The following ARHGAP10 variants were observed in gnomAD, a reference collection of about 807,000 sequenced individuals.
ARHGAP10 encodes rho GTPase-activating protein 10.
Under a neutral mutation model 108.6 loss-of-function variants are expected in ARHGAP10, and 87 were observed. The ratio of observed to expected loss-of-function variants is 0.80; its 90% CI spans 0.67 to 0.96. ARHGAP10 has a LOEUF of 0.96. Among genes scored for constraint, ARHGAP10 ranks in the 40% least tolerant of loss-of-function variants. ARHGAP10 has a pLI of 0.00. For synonymous variants in ARHGAP10, 347 were observed against 341.1 expected, an observed-to-expected ratio of 1.02 and a Z score of -0.19; for missense variants, 939 against 954.5, an observed-to-expected ratio of 0.98 and a Z score of 0.21.
intron 12 of ARHGAP10, among the ~76,000 whole-genome samples, chr4:147,911,938 T>G (rs1235383312): frequency 3.3e-4 from 1 of 3,002 alleles, no homozygotes; most frequent in African/African-American, 4.0e-4. Context: ...TCCTCCTAGG[T>G]TTTTTTTTTT....
chr4:147,750,870 T>C (rs1014326242), intron 1 of ARHGAP10, among the ~76,000 whole-genome samples: 30 of 151,982 alleles, frequency 2.0e-4, no homozygotes, highest in African/African-American at 6.3e-4. Context: ...CAAAGTGCTG[T>C]GATTACAGGC....
At chr4:147,870,928 C>CTCTG (rs980899526) in intron 7 of ARHGAP10, among the ~76,000 whole-genome samples, 6 of 139,056 alleles carry the variant, frequency 4.3e-5, no homozygotes, top group Admixed American at 1.5e-4. Context: ...AAACTACAGA[C>CTCTG]TGTGTGTGTG....
chr4:147,792,971 C>G (rs991703436), intron 1 of ARHGAP10, among the ~76,000 whole-genome samples: 3 of 152,164 alleles, frequency 2.0e-5, no homozygotes, highest in African/African-American at 7.2e-5. Flanking sequence ...AAACCCGTCT[C>G]CACTAAAAAT....
chr4:147,789,814 G>A (rs60042554), intron 1 of ARHGAP10, among the ~76,000 whole-genome samples: 16,903 of 152,054 alleles, frequency 0.11, 2,852 homozygotes, highest in African/African-American at 0.36. Flanking sequence ...TAAAACAGAT[G>A]GAAGTCATTA....
At chr4:147,758,484 A>G (rs774149064) in intron 1 of ARHGAP10, among the ~76,000 whole-genome samples, 1 of 152,228 alleles carries the variant, frequency 6.6e-6, no homozygotes, top group East Asian at 1.9e-4. Flanking sequence ...CACCCCAGAA[A>G]GAAAGCCTGT....
chr4:147,799,515 C>T lies in ARHGAP10; in HGVS notation c.155-23212C>T, dbSNP rs9997153. ...TCTGAGGCTCTGCTTATTTTCACAG[C>T]CTGTTTTCTATTGTTCTGATAGAGT... On this transcript the variant is annotated intron_variant, in intron 1 of 22. Transcript: ENST00000336498. 8.6e-3 allele frequency among the ~76,000 whole-genome samples: 1,314 copies of T among 152,224 alleles called. 20 individuals carry two copies. Among genetic ancestry groups the T allele is most frequent in the African/African-American group, 0.03 (1,256 of 41,530 alleles).
chr4:147,960,993 G>T (rs1738969410), intron 16 of ARHGAP10, among the ~76,000 whole-genome samples: 1 of 152,158 alleles, frequency 6.6e-6, no homozygotes. Flanking sequence ...TGGGCTAATA[G>T]AACGCTGCTG....
intron 10 of ARHGAP10, among the ~76,000 whole-genome samples, chr4:147,890,803 A>G (rs6851336): frequency 0.95 from 143,855 of 152,128 alleles, 68,467 homozygotes; most frequent in Non-Finnish European, 1. Context: ...CTCCAGCCTG[A>G]GCAACAGAGC....
intron 19 of ARHGAP10, among the ~76,000 whole-genome samples, chr4:148,040,708 C>T (rs1328080552): frequency 6.6e-6 from 1 of 152,080 alleles, no homozygotes; most frequent in Non-Finnish European, 1.5e-5. Context: ...AACCATAAAC[C>T]TTTGGCTAAT....
intron 13 of ARHGAP10, among the ~76,000 whole-genome samples, chr4:147,918,309 G>T (rs569401380): frequency 6.6e-6 from 1 of 151,702 alleles, no homozygotes. Context: ...CTAATTTTTT[G>T]TATTTTTAGT....
At chr4:147,760,157 T>G (rs1189207187) in intron 1 of ARHGAP10, among the ~76,000 whole-genome samples, 1 of 152,190 alleles carries the variant, frequency 6.6e-6, no homozygotes, top group Non-Finnish European at 1.5e-5. Flanking sequence ...CTTCCCTGTA[T>G]TCAGGCTGTC....
chr4:147,899,883 T>G (rs1579176405), intron 10 of ARHGAP10, among the ~76,000 whole-genome samples: 1 of 151,948 alleles, frequency 6.6e-6, no homozygotes, highest in East Asian at 1.9e-4. Context: ...TGGGTTTTTT[T>G]TTTTTTTTCC....
At chr4:148,067,479 G>A (rs1409632830) in intron 22 of ARHGAP10, among the ~76,000 whole-genome samples, 2 of 152,202 alleles carry the variant, frequency 1.3e-5, no homozygotes, top group African/African-American at 4.8e-5. Context: ...GAGCCAGGCA[G>A]TGTTCCAAGT....
At chr4:147,774,557 T>C (rs1359521055) in intron 1 of ARHGAP10, among the ~76,000 whole-genome samples, 8 of 152,242 alleles carry the variant, frequency 5.3e-5, no homozygotes, top group Non-Finnish European at 1.2e-4. Flanking sequence ...CTATAACATA[T>C]TTACTTATTT....
At chr4:147,906,043 TGTGTATAA>T (rs1374819949) in intron 10 of ARHGAP10, among the ~76,000 whole-genome samples, 2 of 152,198 alleles carry the variant, frequency 1.3e-5, no homozygotes, top group African/African-American at 4.8e-5. Flanking sequence ...GTCTATTATT[TGTGTATAA>T]GAATGCTTGT....
intron 1 of ARHGAP10, among the ~76,000 whole-genome samples, chr4:147,788,670 G>C (rs188362868): frequency 6.6e-6 from 1 of 152,174 alleles, no homozygotes; most frequent in Non-Finnish European, 1.5e-5. Context: ...TTGCACAGTG[G>C]GTTATAAACA....
chr4:147,940,080 T>C (rs894686167), intron 14 of ARHGAP10, among the ~76,000 whole-genome samples, 181 bp downstream of exon 14: 4 of 152,236 alleles, frequency 2.6e-5, no homozygotes, highest in African/African-American at 9.6e-5. Context: ...TGCATCAGCA[T>C]AGATTGTCTA....
chr4:147,739,349 A>T (rs1719096289), intron 1 of ARHGAP10, among the ~76,000 whole-genome samples: 1 of 152,206 alleles, frequency 6.6e-6, no homozygotes, highest in East Asian at 1.9e-4. Flanking sequence ...TCTATAGTCG[A>T]GGTTCAGGCA....
chr4:147,979,796 A>C, intron 18 of ARHGAP10, among the ~76,000 whole-genome samples: 2 of 152,296 alleles, frequency 1.3e-5, no homozygotes, highest in South Asian at 4.1e-4. Context: ...GTGTGTGGCT[A>C]TTGTAAATGG....
Sources: gnomAD v4.1 joint callset for allele counts (sites outside exome capture counted in the v4.1 genomes callset) on GRCh38, gnomAD v4.1.1 for gene constraint, MANE v1.5 for transcripts, NCBI Gene and HGNC (gene_info 2026-07-23, HGNC 2026-07-21) for gene names.